Variants in BNC2 observed in about 807,000 individuals in gnomAD.
The protein encoded by BNC2 is basonuclin zinc finger protein 2, also known as zinc finger protein basonuclin-2.
Under a neutral mutation model 76.3 loss-of-function variants are expected in BNC2, and 20 were observed. The ratio of observed to expected loss-of-function variants is 0.26; its 90% confidence interval spans 0.18 to 0.38. The LOEUF (loss-of-function observed/expected upper bound fraction) is 0.38, where lower values mean the gene tolerates loss of function less well. Ranked by LOEUF, BNC2 falls within the 10% of genes least tolerant of loss-of-function variation. The pLI is 1.00. For missense variants in BNC2, 1,382 were observed against 1,399.8 expected (o/e 0.99, Z 0.20); for synonymous variants, 582 against 514.8 (o/e 1.13, Z -1.77).
intron 3 of BNC2, among the ~76,000 whole-genome samples, chr9:16,721,584 C>T (rs908961559): frequency 7.2e-5 from 11 of 152,138 alleles, no homozygotes; most frequent in South Asian, 4.1e-4. Flanking sequence ...ACCACAAAAG[C>T]GTACCACCAA....
At chr9:16,719,346 GA>G (rs1299987970) in intron 3 of BNC2, among the ~76,000 whole-genome samples, 2 of 151,982 alleles carry the variant, frequency 1.3e-5, no homozygotes, top group South Asian at 2.1e-4. Context: ...AATGGAAAGG[GA>G]AAAAAATTAT....
At chr9:16,678,861 G>A (rs1025774645) in intron 3 of BNC2, among the ~76,000 whole-genome samples, 9 of 151,932 alleles carry the variant, frequency 5.9e-5, no homozygotes, top group East Asian at 1.9e-4. Flanking sequence ...TGTCTCCTTC[G>A]GTAGTGCCTG....
At chr9:16,564,838 T>C (rs375997464) in intron 4 of BNC2, among the ~76,000 whole-genome samples, 5 of 152,316 alleles carry the variant, frequency 3.3e-5, no homozygotes, top group African/African-American at 1.2e-4. Flanking sequence ...TTTCAATACA[T>C]AACTTTATAT....
At chr9:16,453,038 A>G (rs1010960644) in intron 5 of BNC2, among the ~76,000 whole-genome samples, 2 of 152,202 alleles carry the variant, frequency 1.3e-5, no homozygotes, top group African/African-American at 2.4e-5. Flanking sequence ...TAAACAATGC[A>G]GTCTGTGCCT....
At chr9:16,614,139 A>T (rs1005578036) in intron 3 of BNC2, among the ~76,000 whole-genome samples, 2 of 152,226 alleles carry the variant, frequency 1.3e-5, no homozygotes, top group Admixed American at 1.3e-4. Flanking sequence ...AAACCCAAAA[A>T]TGTTAAATTT....
chr9:16,824,933 G>C (rs1233460607), intron 1 of BNC2, among the ~76,000 whole-genome samples: 2 of 152,110 alleles, frequency 1.3e-5, no homozygotes, highest in East Asian at 1.9e-4. Context: ...GGTTTGACCA[G>C]GCTAAACTGG....
In BNC2 at chr9:16,552,548, G is replaced by T. The variant is rs1399374199; in HGVS notation, c.651C>A (p.Val217=). Residue 217 remains valine, a synonymous_variant, in exon 5 of 7, where the codon GTC becomes GTA. Coordinates refer to ENST00000380672, the MANE Select transcript of BNC2 (RefSeq NM_017637.6). ...TCCCTACCTGAAGGATGTATCCTCG[G>T]ACATAGTCCCGCAGAGTCCAGCCAA... ...HGLGWTLRDY[V]RGYILQDAAG... is the part of the protein sequence containing the mutation. 2.5e-6 allele frequency: 4 copies of T among 1,614,058 alleles called. No homozygotes were observed. Among genetic ancestry groups the T allele is most frequent in the Admixed American group, 3.3e-5 (2 of 60,006 alleles).
At chr9:16,730,452 TC>T (rs929800183) in intron 2 of BNC2, among the ~76,000 whole-genome samples, 1 of 152,140 alleles carries the variant, frequency 6.6e-6, no homozygotes, top group Non-Finnish European at 1.5e-5. Context: ...TAGCCTTTTT[TC>T]CCCCTAAACT....
chr9:16,604,282 T>G (rs188512779), intron 3 of BNC2, among the ~76,000 whole-genome samples: 1 of 152,316 alleles, frequency 6.6e-6, no homozygotes, highest in East Asian at 1.9e-4. Flanking sequence ...AGAGAAGCAA[T>G]GCCCCATTCA....
At chr9:16,774,749 T>C (rs541394948) in intron 1 of BNC2, among the ~76,000 whole-genome samples, 1 of 152,300 alleles carries the variant, frequency 6.6e-6, no homozygotes, top group South Asian at 2.1e-4. Context: ...TCGCCATTTT[T>C]CTACAAAAAA....
chr9:16,784,602 TAC>T (rs1288456076), intron 1 of BNC2, among the ~76,000 whole-genome samples: 1 of 152,204 alleles, frequency 6.6e-6, no homozygotes, highest in East Asian at 1.9e-4. Context: ...TTACTCTGAA[TAC>T]AGAGAGTCTG....
intron 3 of BNC2, among the ~76,000 whole-genome samples, chr9:16,692,799 A>G (rs577792283): frequency 1.3e-5 from 2 of 152,192 alleles, no homozygotes; most frequent in East Asian, 3.9e-4. Flanking sequence ...GAATGACCGA[A>G]AAGATCGCTG....
chr9:16,764,738 TG>T lies in BNC2; in HGVS notation c.4-26254del, dbSNP rs1179964032. The stretch of plus-strand genomic sequence containing the variant: ...ATTGACATAACTTTACTTATTTGTC[TG>T]TTTTTTTTTTAATAAGAAGCAATTA... On this transcript the variant is annotated intron_variant, in intron 1 of 6. Transcript: ENST00000380672. 0.016 allele frequency among the ~76,000 whole-genome samples: 480 copies of T among 29,860 alleles called. 5 individuals are homozygous for T. In the East Asian group the frequency reaches 0.35, roughly 22 times the overall value. 19.6% of individuals were successfully genotyped at this position (29,860 alleles called of 152,430 possible).
intron 3 of BNC2, among the ~76,000 whole-genome samples, chr9:16,657,351 A>G (rs1294782846): frequency 6.6e-6 from 1 of 152,232 alleles, no homozygotes; most frequent in African/African-American, 2.4e-5. Context: ...AAGGTGGAGC[A>G]AAAGTGGTCA....
Position 16,436,699 on chromosome 9 carries a change from T to A in BNC2, c.1495A>T (p.Met499Leu), listed in dbSNP as rs543653991. Residue 499 changes from methionine (M) to leucine (L), a missense_variant, in exon 6 of 7, where the codon ATG (methionine) becomes TTG (leucine). Physicochemically the swap from Met to Leu is conservative, Grantham distance 15 (BLOSUM62 2). Coordinates refer to ENST00000380672, the MANE Select transcript of BNC2 (RefSeq NM_017637.6). ...TCTCGGTTATTCCTTAGCATAGGCA[T>A]GTGAAGGCGAGGATTGGGGTTTGCA... Reference protein sequence around the residue: ...HSANPNPRLHMPMLRNNRDKD... With the variant: ...HSANPNPRLHLPMLRNNRDKD... The A allele has an allele frequency of 6.2e-7, 1 of 1,614,078 alleles. No individual in the cohort carries two copies. Among genetic ancestry groups the A allele is most frequent in the South Asian group, 1.1e-5 (1 of 91,074 alleles).
chr9:16,565,991 T>A (rs1819155905), intron 4 of BNC2, among the ~76,000 whole-genome samples: 1 of 152,180 alleles, frequency 6.6e-6, no homozygotes, highest in African/African-American at 2.4e-5. Context: ...CGAGGTTCCA[T>A]CCGTAAAGCT....
chr9:16,534,092 A>C (rs1818062199), intron 5 of BNC2, among the ~76,000 whole-genome samples: 1 of 152,198 alleles, frequency 6.6e-6, no homozygotes, highest in African/African-American at 2.4e-5. Context: ...TGAATGAATT[A>C]CTACTGTTAT....
In BNC2 at chr9:16,419,024, G is replaced by C. The variant is rs1820651867; in HGVS notation, c.3265C>G (p.Leu1089Val). ...GAAGTGAAGGGAATGTTTTTGTGGA[G>C]ATTAGGGTTCTGACTGTGCCGATTT... Reference protein sequence around the residue: ...SRNRHSQNPNLHKNIPFTSVD With the variant: ...SRNRHSQNPNVHKNIPFTSVD Residue 1089 changes from leucine to valine, a missense_variant, in exon 7 of 7, where the codon CTC becomes GTC. By Grantham distance (32) the Leu-to-Val change is conservative. Coordinates refer to ENST00000380672, the MANE Select transcript of BNC2 (RefSeq NM_017637.6). The C allele has an allele frequency of 6.2e-7, 1 of 1,614,150 alleles. No individual in the cohort carries two copies. Among genetic ancestry groups the C allele is most frequent in the South Asian group, 1.1e-5 (1 of 91,082 alleles).
intron 4 of BNC2, chr9:16,575,519 T>C (rs781282482): frequency 4.6e-5 from 38 of 828,890 alleles, no homozygotes; most frequent in Non-Finnish European, 5.2e-5. Flanking sequence ...CAAAGCACCA[T>C]CCAAAAAGTG....
Sources: allele counts gnomAD v4.1 joint callset (sites outside exome capture counted in the v4.1 genomes callset), GRCh38; gene constraint gnomAD v4.1.1; transcripts MANE v1.5; gene names NCBI Gene and HGNC (gene_info 2026-07-23, HGNC 2026-07-21).